Variants in THSD7A observed in about 807,000 individuals in gnomAD.
THSD7A encodes the protein thrombospondin type 1 domain containing 7A, also known as thrombospondin type-1 domain-containing protein 7A.
THSD7A carries 96 observed loss-of-function variants against 231.3 expected under a neutral mutation model. The ratio of observed to expected loss-of-function variants is 0.41; its 90% CI spans 0.35 to 0.49. The LOEUF is 0.49. Ranked by LOEUF, THSD7A falls within the 20% of genes least tolerant of loss-of-function variation. The pLI is 0.05. For synonymous variants in THSD7A, 940 were observed against 743.3 expected (o/e 1.26, Z -4.30); for missense variants, 2,290 against 2,070.2 (o/e 1.11, Z -2.06).
chr7:11,437,211 C>T (rs1039832168), intron 13 of THSD7A, among the ~76,000 whole-genome samples: 2 of 152,064 alleles, frequency 1.3e-5, no homozygotes, highest in Non-Finnish European at 2.9e-5. Flanking sequence ...GGAACATGAA[C>T]TAAATGACAA....
At position 11,559,765 on chromosome 7, in the gene THSD7A, T is replaced by A. The variant is rs571651013; in HGVS notation, c.1454-16648A>T. On this transcript the variant is annotated intron_variant, in intron 4 of 27. Transcript: ENST00000423059. ...CTAAAAACTAAAATGGCACATCCAC[T>A]AGTTTGTCAAAACATTTTAAAGTTT... Among the ~76,000 whole-genome samples the A allele has an allele frequency of 1.4e-4, 21 of 152,244 alleles. No individual in the cohort carries two copies. The South Asian group carries it at 4.1e-3, about 30-fold the overall frequency.
At position 11,753,077 on chromosome 7, in the gene THSD7A, T is replaced by C. The variant is rs116188420; in HGVS notation, c.190+78680A>G. On this transcript the variant is annotated intron_variant, in intron 1 of 27. Coordinates refer to ENST00000423059, the MANE Select transcript of THSD7A (RefSeq NM_015204.3). Reference sequence around the variant, plus strand: ...TTTCCTCTGAAGGCTCCTGTAACTATGGAGGTTATATAAGAAACCAAACAT... The same window carrying C: ...TTTCCTCTGAAGGCTCCTGTAACTACGGAGGTTATATAAGAAACCAAACAT... Among the ~76,000 whole-genome samples, 330 of 152,248 alleles carry C rather than the reference T, an allele frequency of 2.2e-3. 1 individual carries two copies. Among genetic ancestry groups the C allele is most frequent in the African/African-American group, 7.5e-3 (313 of 41,574 alleles).
chr7:11,482,661 T>A (rs1358524196), intron 6 of THSD7A, among the ~76,000 whole-genome samples: 2 of 152,158 alleles, frequency 1.3e-5, no homozygotes, highest in Non-Finnish European at 2.9e-5. Context: ...TTTTCATTAG[T>A]TCCCTGTTGC....
At chr7:11,629,227 G>A (rs1195081308) in intron 2 of THSD7A, among the ~76,000 whole-genome samples, 1 of 152,170 alleles carries the variant, frequency 6.6e-6, no homozygotes, top group Non-Finnish European at 1.5e-5. Context: ...AGACACACGA[G>A]CAGGATGGGG....
At chr7:11,776,032 G>GT (rs1783394075) in intron 1 of THSD7A, among the ~76,000 whole-genome samples, 1 of 152,066 alleles carries the variant, frequency 6.6e-6, no homozygotes, top group South Asian at 2.1e-4. Context: ...CTTTTAAAAC[G>GT]TAAGTTAATA....
At chr7:11,783,402 G>A (rs1424148414) in intron 1 of THSD7A, among the ~76,000 whole-genome samples, 1 of 150,808 alleles carries the variant, frequency 6.6e-6, no homozygotes, top group Non-Finnish European at 1.5e-5. Context: ...TATGGTGCCT[G>A]CTGAACGTGT....
intron 4 of THSD7A, among the ~76,000 whole-genome samples, chr7:11,554,204 T>G (rs1165580083): frequency 6.6e-6 from 1 of 151,996 alleles, no homozygotes; most frequent in Non-Finnish European, 1.5e-5. Context: ...ATAAGGCCTT[T>G]GCAAACGTAA....
At chr7:11,752,170 G>T (rs1782525320) in intron 1 of THSD7A, among the ~76,000 whole-genome samples, 3 of 152,048 alleles carry the variant, frequency 2.0e-5, no homozygotes, top group Non-Finnish European at 2.9e-5. Flanking sequence ...ACATATAAAA[G>T]CACTCAGACC....
chr7:11,591,821 T>A (rs561610906), intron 3 of THSD7A, among the ~76,000 whole-genome samples: 2 of 152,142 alleles, frequency 1.3e-5, no homozygotes, highest in Non-Finnish European at 2.9e-5. Context: ...AGATCATTTG[T>A]TAAGGGAGCT....
At position 11,652,317 on chromosome 7, in the gene THSD7A, A is replaced by G. The variant is rs182946757; in HGVS notation, c.191-15356T>C. On this transcript the variant is annotated intron_variant, in intron 1 of 27. Transcript: ENST00000423059. ...AGGACTGGCATTACTACAAATAATT[A>G]TTTAGGATAAGAATAAATTTGGTTT... 1.8e-4 allele frequency among the ~76,000 whole-genome samples: 27 copies of G among 151,968 alleles called. 1 individual carries two copies. The highest frequency in any genetic ancestry group is 1.8e-3 in the Admixed American group (27 of 15,242).
intron 6 of THSD7A, among the ~76,000 whole-genome samples, chr7:11,536,077 T>C (rs1448800530): frequency 6.6e-6 from 1 of 152,212 alleles, no homozygotes; most frequent in Non-Finnish European, 1.5e-5. Flanking sequence ...TATTAAACAA[T>C]CTTAATGTCT....
intron 16 of THSD7A, among the ~76,000 whole-genome samples, chr7:11,421,040 G>A (rs1407486144): frequency 6.6e-6 from 1 of 152,158 alleles, no homozygotes. Flanking sequence ...GAGGGGACTT[G>A]CCTTGTCTCA....
In THSD7A at chr7:11,446,373, T is replaced by C. The variant is rs763795991; in HGVS notation, c.2801-49A>G. On this transcript the variant is annotated intron_variant, in intron 12 of 27. Coordinates refer to ENST00000423059, the MANE Select transcript of THSD7A (RefSeq NM_015204.3). The surrounding 1 kb of genome is among the most constrained non-coding windows in gnomAD (Gnocchi z 4.0). ...AATTTAAGTTGGAAAATACCATCATTAATTTCACACATCCCTAAATTTTCT... is the reference window on the plus strand; with the variant it reads ...AATTTAAGTTGGAAAATACCATCATCAATTTCACACATCCCTAAATTTTCT... 9.6e-6 allele frequency: 15 copies of C among 1,560,388 alleles called. No individual in the cohort carries two copies. In the South Asian group the frequency reaches 1.8e-4, roughly 19 times the overall value.
At chr7:11,646,949 G>A (rs1048626376) in intron 1 of THSD7A, among the ~76,000 whole-genome samples, 1 of 152,000 alleles carries the variant, frequency 6.6e-6, no homozygotes, top group African/African-American at 2.4e-5. Flanking sequence ...TAATAAAATT[G>A]TCCACTGCTA....
Position 11,379,124 on chromosome 7 carries a change from A to T in THSD7A, c.4747T>A (p.Ser1583Thr). ...TSRAVHPTQP[S>T]SNPAGRGRTW... ...CTTCCCCGTCCTGCTGGGTTACTGGAGGGTTGGGTTGGATGTACAGCCCGA... is the reference window on the plus strand; with the variant it reads ...CTTCCCCGTCCTGCTGGGTTACTGGTGGGTTGGGTTGGATGTACAGCCCGA... Residue 1583 changes from serine to threonine, a missense_variant, in exon 26 of 28, where the codon TCC (serine) becomes ACC (threonine). Transcript: ENST00000423059. The T allele has an allele frequency of 6.2e-7, 1 of 1,613,478 alleles. No homozygotes were observed. The highest frequency in any genetic ancestry group is 2.2e-5 in the East Asian group (1 of 44,836).
chr7:11,402,118 A>G, intron 22 of THSD7A, 150 bp from the exon 23 acceptor site: 2 of 646,334 alleles, frequency 3.1e-6, no homozygotes, highest in Non-Finnish European at 5.1e-6. Flanking sequence ...TAATATTTGT[A>G]AATTTGTAAT....
intron 4 of THSD7A, among the ~76,000 whole-genome samples, chr7:11,543,646 C>G (rs976112896): frequency 3.9e-5 from 6 of 152,082 alleles, no homozygotes; most frequent in African/African-American, 1.2e-4. Flanking sequence ...CTCTGTACCC[C>G]CCAGCTACAG....
intron 1 of THSD7A, among the ~76,000 whole-genome samples, chr7:11,818,025 T>G (rs1784761859): frequency 6.6e-6 from 1 of 152,230 alleles, no homozygotes; most frequent in Non-Finnish European, 1.5e-5. Flanking sequence ...CTGTAACGTT[T>G]ATAGTCACAC....
At chr7:11,465,402 G>T (rs1785662241) in intron 9 of THSD7A, among the ~76,000 whole-genome samples, 2 of 152,160 alleles carry the variant, frequency 1.3e-5, no homozygotes, top group African/African-American at 4.8e-5. Flanking sequence ...GATAGGAATG[G>T]AAAAAACAGA....
Sources: gnomAD v4.1 joint callset for allele counts (sites outside exome capture counted in the v4.1 genomes callset) on GRCh38, gnomAD v4.1.1 for gene constraint, Gnocchi (gnomAD v3.1) non-coding constraint, MANE v1.5 for transcripts, NCBI Gene and HGNC (gene_info 2026-07-23, HGNC 2026-07-21) for gene names.